Variants in CACNB4 observed in about 807,000 individuals in gnomAD.
The protein encoded by CACNB4 is voltage-dependent L-type calcium channel subunit beta-4.
Under a neutral mutation model 71.2 loss-of-function variants are expected in CACNB4, and 32 were observed. The ratio of observed to expected loss-of-function variants is 0.45; its 90% CI spans 0.34 to 0.60. CACNB4 has a LOEUF of 0.60. Among genes scored for constraint, CACNB4 ranks in the 20% least tolerant of loss-of-function variants. The pLI is 0.01. For missense variants in CACNB4, 464 were observed against 647.9 expected (o/e 0.72, Z 3.08); for synonymous variants, 231 against 236.9 (o/e 0.97, Z 0.23).
chr2:151,847,616 G>T (rs541206177), intron 12 of CACNB4, among the ~76,000 whole-genome samples: 2 of 152,014 alleles, frequency 1.3e-5, no homozygotes, highest in East Asian at 3.9e-4. Context: ...TGATGGGTGC[G>T]GTGGCTCACA....
intron 2 of CACNB4, among the ~76,000 whole-genome samples, chr2:152,036,527 T>C (rs1052570007): frequency 6.6e-6 from 1 of 152,222 alleles, no homozygotes; most frequent in African/African-American, 2.4e-5. Context: ...CTCGAACTCC[T>C]GACCTTAGGT....
chr2:151,954,750 C>T (rs2099867747), intron 2 of CACNB4, among the ~76,000 whole-genome samples: 1 of 151,848 alleles, frequency 6.6e-6, no homozygotes, highest in Admixed American at 6.6e-5. Context: ...CTGAATATGT[C>T]CTTGCAAATG....
intron 2 of CACNB4, among the ~76,000 whole-genome samples, chr2:152,023,111 G>T (rs1683766246): frequency 2.6e-5 from 4 of 151,762 alleles, no homozygotes; most frequent in Non-Finnish European, 4.4e-5. Context: ...GGTCCATGAG[G>T]GGGTGAGAGA....
chr2:151,904,072 A>G (rs1326787519), intron 2 of CACNB4, among the ~76,000 whole-genome samples: 1 of 152,208 alleles, frequency 6.6e-6, no homozygotes, highest in Admixed American at 6.5e-5. Flanking sequence ...CTAGACACTC[A>G]GAGTTGCGTT....
chr2:152,000,925 C>T (rs960517756), intron 2 of CACNB4, among the ~76,000 whole-genome samples: 6 of 152,178 alleles, frequency 3.9e-5, no homozygotes, highest in Non-Finnish European at 7.4e-5. Flanking sequence ...CCAGAGGCCT[C>T]CTCATGGGCC....
intron 2 of CACNB4, among the ~76,000 whole-genome samples, chr2:152,034,495 C>T (rs1025767281): frequency 6.6e-6 from 1 of 152,214 alleles, no homozygotes; most frequent in Non-Finnish European, 1.5e-5. Context: ...TTGCTGCCTG[C>T]TCCGGCCTCT....
At chr2:152,022,316 A>T (rs751952411) in intron 2 of CACNB4, among the ~76,000 whole-genome samples, 2 of 152,226 alleles carry the variant, frequency 1.3e-5, no homozygotes, top group East Asian at 3.8e-4. Flanking sequence ...GCCCGTAGCC[A>T]TCAAGGAGAA....
intron 2 of CACNB4, among the ~76,000 whole-genome samples, chr2:151,990,757 A>C (rs955954995): frequency 7.9e-5 from 12 of 152,242 alleles, no homozygotes; most frequent in African/African-American, 2.9e-4. Flanking sequence ...AAACAGGACA[A>C]GGAAGCAGTC....
chr2:151,992,127 T>C (rs1373221749), intron 2 of CACNB4, among the ~76,000 whole-genome samples: 2 of 152,196 alleles, frequency 1.3e-5, no homozygotes, highest in Non-Finnish European at 2.9e-5. Context: ...GAGACAGGCC[T>C]GGATGGAGTA....
At position 151,839,226 on chromosome 2, in the gene CACNB4, G is replaced by T. The variant is rs1351243423; in HGVS notation, c.1456C>A (p.Pro486Thr). ...TCAGGGTAATCTTCTTCCACAAGAG[G>T]GTAATGATCTCGGCTATGCTGAGAA... Reference protein sequence around the residue: ...SSSQHSRDHYPLVEEDYPDSY... With the variant: ...SSSQHSRDHYTLVEEDYPDSY... The change falls in exon 14 of 14, where the codon CCT (proline) becomes ACT (threonine). Residue 486 changes from proline to threonine, a missense_variant. By Grantham distance (38) the Pro-to-Thr change is conservative (BLOSUM62 -1). Around this residue, in one of 3 missense-constraint regions of CACNB4, gnomAD observed 115 missense variants for 128.8 expected, o/e 0.89. Transcript: ENST00000539935. The T allele has an allele frequency of 1.2e-6, 2 of 1,613,518 alleles. No individual in the cohort carries two copies. The highest frequency in any genetic ancestry group is 1.7e-5 in the Admixed American group (1 of 59,984).
At chr2:151,930,097 T>C (rs2099861267) in intron 2 of CACNB4, among the ~76,000 whole-genome samples, 1 of 152,012 alleles carries the variant, frequency 6.6e-6, no homozygotes, top group Non-Finnish European at 1.5e-5. Flanking sequence ...CTGCCAAATA[T>C]GAAAATGTAT....
chr2:151,918,060 A>C (rs899449946), intron 2 of CACNB4, among the ~76,000 whole-genome samples: 11 of 152,142 alleles, frequency 7.2e-5, no homozygotes, highest in Admixed American at 2.0e-4. Context: ...CTGGGGGGGA[A>C]AAGGGTGCTA....
intron 3 of CACNB4, among the ~76,000 whole-genome samples, chr2:151,882,202 T>C (rs1425657013): frequency 4.1e-4 from 59 of 143,552 alleles, no homozygotes; most frequent in Non-Finnish European, 7.7e-4. Flanking sequence ...TTTTTTTTTT[T>C]TTTTTTGGTA....
intron 2 of CACNB4, among the ~76,000 whole-genome samples, chr2:152,039,408 T>A (rs1259102858): frequency 8.3e-6 from 1 of 119,840 alleles, no homozygotes; most frequent in Non-Finnish European, 1.6e-5. Context: ...AGAGCAAGAC[T>A]CTGTCTCAAA....
intron 2 of CACNB4, among the ~76,000 whole-genome samples, chr2:152,018,988 G>A (rs1683506293): frequency 1.3e-5 from 2 of 152,114 alleles, no homozygotes; most frequent in South Asian, 4.1e-4. Context: ...GAAGTCAAGG[G>A]GGAAAGGTTT....
At chr2:151,938,014 A>G (rs546902569) in intron 2 of CACNB4, among the ~76,000 whole-genome samples, 13 of 152,336 alleles carry the variant, frequency 8.5e-5, no homozygotes, top group African/African-American at 3.1e-4. Flanking sequence ...TAAGACTTCT[A>G]TCCATTGGTC....
chr2:152,017,695 G>A (rs1030510441), intron 2 of CACNB4, among the ~76,000 whole-genome samples: 5 of 151,194 alleles, frequency 3.3e-5, no homozygotes, highest in African/African-American at 1.2e-4. Context: ...GTGACAGAGT[G>A]AGACTCCGTC....
chr2:151,988,554 C>A (rs1681506386), intron 2 of CACNB4, among the ~76,000 whole-genome samples: 1 of 152,138 alleles, frequency 6.6e-6, no homozygotes, highest in Non-Finnish European at 1.5e-5. Flanking sequence ...AAATCAAGCA[C>A]TGAGTGGCTT....
chr2:151,850,997 C>A (rs2099838942), intron 12 of CACNB4: 1 of 152,162 alleles, frequency 6.6e-6, no homozygotes, highest in African/African-American at 2.4e-5. Context: ...ATAGGCTTCC[C>A]TTTCCAAAAA....
Sources: allele counts gnomAD v4.1 joint callset (sites outside exome capture counted in the v4.1 genomes callset), GRCh38; gene constraint gnomAD v4.1.1; regional missense constraint gnomAD v4.1.1; transcripts MANE v1.5; gene names NCBI Gene and HGNC (gene_info 2026-07-23, HGNC 2026-07-21).